The following DPP6 variants were observed in gnomAD, a reference collection of about 807,000 sequenced individuals.
The protein encoded by DPP6 is dipeptidyl peptidase like 6, also known as A-type potassium channel modulatory protein DPP6.
Under a neutral mutation model 122.6 loss-of-function variants are expected in DPP6, and 69 were observed. The observed-to-expected ratio is 0.56, with a 90% CI of 0.46 to 0.69. The LOEUF is 0.69. DPP6 is among the 30% of genes least tolerant of loss of function. The probability of loss-of-function intolerance (pLI) is 0.00; values close to 1 mark genes in which losing one functional copy is unlikely to be tolerated. For synonymous variants in DPP6, 418 were observed against 433.1 expected, an observed-to-expected ratio of 0.97 and a Z score of 0.43; for missense variants, 928 against 1,116.9, an observed-to-expected ratio of 0.83 and a Z score of 2.41.
chr7:153,806,756 A>AT, the DPP6 span, among the ~76,000 whole-genome samples: 3 of 151,900 alleles, frequency 2.0e-5, no homozygotes, highest in African/African-American at 7.3e-5. Context: ...GCCCCTGGTC[A>AT]TTTAGGAATG....
At chr7:154,411,712 C>A (rs902616239) in intron 1 of DPP6, among the ~76,000 whole-genome samples, 5 of 152,120 alleles carry the variant, frequency 3.3e-5, no homozygotes, top group South Asian at 4.1e-4. Flanking sequence ...TACTTCTTGG[C>A]ATATTTTTAA....
intron 3 of DPP6, among the ~76,000 whole-genome samples, chr7:154,522,137 T>C (rs1236941001): frequency 6.6e-6 from 1 of 151,760 alleles, no homozygotes; most frequent in Non-Finnish European, 1.5e-5. Flanking sequence ...CTAATTTTTG[T>C]TGTTGTTGTT....
At chr7:154,779,051 C>G (rs1355256974) in intron 10 of DPP6, among the ~76,000 whole-genome samples, 1 of 6,636 alleles carries the variant, frequency 1.5e-4, no homozygotes, top group Admixed American at 1.9e-3. Context: ...CACAACTACC[C>G]CCACCATCAC....
chr7:154,510,709 T>C (rs1229193422), intron 3 of DPP6, among the ~76,000 whole-genome samples: 1 of 141,050 alleles, frequency 7.1e-6, no homozygotes, highest in African/African-American at 2.6e-5. Flanking sequence ...AAAAAAAAAA[T>C]AGTGTAAAGG....
chr7:153,934,949 G>C (rs905159639), intron 1 of DPP6, among the ~76,000 whole-genome samples: 2 of 152,220 alleles, frequency 1.3e-5, no homozygotes, highest in African/African-American at 4.8e-5. Context: ...ATGAAAACAA[G>C]GCTTCGGCAC....
intron 1 of DPP6, among the ~76,000 whole-genome samples, chr7:153,918,262 T>C (rs1033713032): frequency 5.3e-5 from 8 of 152,198 alleles, no homozygotes; most frequent in South Asian, 2.1e-4. Context: ...TGAAATATAA[T>C]TGAAAATTGC....
intron 8 of DPP6, among the ~76,000 whole-genome samples, chr7:154,733,240 G>A (rs1346654693): frequency 6.6e-6 from 1 of 152,240 alleles, no homozygotes; most frequent in Non-Finnish European, 1.5e-5. Context: ...CTGCTGGAGA[G>A]GGGTTTAGTG....
chr7:154,746,831 C>T (rs539969975), intron 8 of DPP6, among the ~76,000 whole-genome samples: 8 of 152,306 alleles, frequency 5.3e-5, no homozygotes, highest in South Asian at 2.1e-4. Flanking sequence ...CTACAACACA[C>T]GACCAAAATA....
At chr7:154,783,955 C>A (rs1797181770) in intron 10 of DPP6, among the ~76,000 whole-genome samples, 1 of 152,130 alleles carries the variant, frequency 6.6e-6, no homozygotes, top group Non-Finnish European at 1.5e-5. Context: ...CCAAGAGGAG[C>A]TTTCTTGGAG....
At chr7:154,002,063 A>G (rs1047794081) in intron 1 of DPP6, among the ~76,000 whole-genome samples, 18 of 152,204 alleles carry the variant, frequency 1.2e-4, no homozygotes, top group Non-Finnish European at 1.9e-4. Flanking sequence ...CCACTCTACC[A>G]ACCCTTTTTG....
chr7:154,287,867 C>T (rs77062741), intron 1 of DPP6, among the ~76,000 whole-genome samples: 14,008 of 152,158 alleles, frequency 0.092, 971 homozygotes, highest in Admixed American at 0.17. Flanking sequence ...TCCCCAAAAG[C>T]GGGATGATAC....
chr7:154,394,901 A>G (rs1013266048), intron 1 of DPP6, among the ~76,000 whole-genome samples: 1 of 152,216 alleles, frequency 6.6e-6, no homozygotes, highest in African/African-American at 2.4e-5. Context: ...TTGTCCATAT[A>G]TGCAAGTTTC....
At chr7:153,833,490 A>G in the DPP6 span, among the ~76,000 whole-genome samples, 1 of 152,138 alleles carries the variant, frequency 6.6e-6, no homozygotes, top group African/African-American at 2.4e-5. Flanking sequence ...CCTGGCCAAC[A>G]TGGCAAAACC....
In DPP6 at chr7:154,199,605, C is replaced by T. The variant is rs373528127; in HGVS notation, c.243+146542C>T. On this transcript the variant is annotated intron_variant, in intron 1 of 25. Transcript: ENST00000377770. Reference sequence around the variant, plus strand: ...CTCATGGCATCTATACTCTCAGCCACTTTTTTTTTTTTCTTTTTTTTTGAG... The same window carrying T: ...CTCATGGCATCTATACTCTCAGCCATTTTTTTTTTTTTCTTTTTTTTTGAG... Among the ~76,000 whole-genome samples the T allele has an allele frequency of 5.0e-3, 734 of 145,696 alleles. 8 individuals carry two copies. The highest frequency in any genetic ancestry group is 0.018 in the African/African-American group (701 of 39,928).
the DPP6 span, among the ~76,000 whole-genome samples, chr7:153,803,444 C>T: frequency 7.2e-6 from 1 of 139,528 alleles, no homozygotes; most frequent in Non-Finnish European, 1.5e-5. Flanking sequence ...AAAGAATTCA[C>T]CCCTTTCTGC....
chr7:154,105,477 A>G (rs1407116813), intron 1 of DPP6, among the ~76,000 whole-genome samples: 1 of 152,180 alleles, frequency 6.6e-6, no homozygotes, highest in East Asian at 1.9e-4. Context: ...GCAGGCACCC[A>G]CCACAGCCCT....
At chr7:153,866,040 T>A in the DPP6 span, among the ~76,000 whole-genome samples, 1 of 152,194 alleles carries the variant, frequency 6.6e-6, no homozygotes, top group African/African-American at 2.4e-5. Flanking sequence ...ATTTTCTTAA[T>A]CCAGTCTATC....
chr7:154,399,120 C>T (rs1336191454), intron 1 of DPP6, among the ~76,000 whole-genome samples: 1 of 152,114 alleles, frequency 6.6e-6, no homozygotes, highest in Non-Finnish European at 1.5e-5. Flanking sequence ...GAGACCAAAG[C>T]AACAATGACA....
chr7:154,779,489 C>A (rs1796899553), intron 10 of DPP6, among the ~76,000 whole-genome samples: 1 of 152,178 alleles, frequency 6.6e-6, no homozygotes. Context: ...TTACAATGAC[C>A]TGACTTGCCT....
Sources: gnomAD v4.1 joint callset for allele counts (sites outside exome capture counted in the v4.1 genomes callset) on GRCh38, gnomAD v4.1.1 for gene constraint, MANE v1.5 for transcripts, NCBI Gene and HGNC (gene_info 2026-07-23, HGNC 2026-07-21) for gene names.